Variants in ANK3 observed in about 807,000 individuals in gnomAD.
ANK3 encodes ankyrin 3.
ANK3 carries 57 observed loss-of-function variants against 370.9 expected under a neutral mutation model. The observed-to-expected ratio is 0.15, with a 90% CI of 0.12 to 0.19. The LOEUF is 0.19. Ranked by LOEUF, ANK3 falls within the 10% of genes least tolerant of loss-of-function variation. ANK3 has a pLI of 1.00. For missense variants in ANK3, 4,439 were observed against 5,302.1 expected (o/e 0.84, Z 5.06); for synonymous variants, 1,929 against 1,946.3 (o/e 0.99, Z 0.23).
At chr10:60,558,531 AGTT>A (rs1433827211) in intron 2 of ANK3, among the ~76,000 whole-genome samples, 5 of 152,184 alleles carry the variant, frequency 3.3e-5, no homozygotes, top group African/African-American at 1.2e-4. Context: ...CTCAGTGCAT[AGTT>A]CTCTCTTATA....
At chr10:60,360,349 T>A (rs2132731814) in intron 1 of ANK3, among the ~76,000 whole-genome samples, 1 of 152,362 alleles carries the variant, frequency 6.6e-6, no homozygotes, top group African/African-American at 2.4e-5. Context: ...GTGGGACATC[T>A]ATTTCATTTT....
chr10:60,672,994 T>C (rs1416264715), intron 1 of ANK3, among the ~76,000 whole-genome samples: 2 of 151,756 alleles, frequency 1.3e-5, no homozygotes, highest in Non-Finnish European at 2.9e-5. Context: ...GAAGAAAACA[T>C]GTATTTTTTT....
intron 2 of ANK3, among the ~76,000 whole-genome samples, chr10:60,559,876 C>A (rs930395358): frequency 6.6e-6 from 1 of 152,136 alleles, no homozygotes; most frequent in Non-Finnish European, 1.5e-5. Context: ...AACCCCATCT[C>A]TACTAAATAT....
intron 1 of ANK3, among the ~76,000 whole-genome samples, chr10:60,368,798 A>G (rs958161492): frequency 6.6e-6 from 1 of 152,194 alleles, no homozygotes; most frequent in Non-Finnish European, 1.5e-5. Context: ...TTCTCTATGG[A>G]GAAAAAAACT....
At chr10:60,361,480 G>A (rs2058601636) in intron 1 of ANK3, among the ~76,000 whole-genome samples, 2 of 152,062 alleles carry the variant, frequency 1.3e-5, no homozygotes, top group African/African-American at 2.4e-5. Context: ...TTTAATTTTC[G>A]GTTTAACTCA....
chr10:60,230,999 A>G (rs552638640), intron 8 of ANK3, among the ~76,000 whole-genome samples: 2 of 152,120 alleles, frequency 1.3e-5, no homozygotes, highest in African/African-American at 4.8e-5. Context: ...ACAATAACTA[A>G]TTATTCTTAA....
chr10:60,572,462 T>TA, intron 2 of ANK3: 1 of 1,535,794 alleles, frequency 6.5e-7, no homozygotes, highest in Non-Finnish European at 8.7e-7. Flanking sequence ...ATTCATTTCT[T>TA]ACCTTTTTTC....
At chr10:60,043,773 AG>A (rs1424033786) in intron 42 of ANK3, 1 of 985,276 alleles carries the variant, frequency 1.0e-6, no homozygotes, top group Non-Finnish European at 1.2e-6. Context: ...CACTGCTCTG[AG>A]GTTTGGTGGT....
intron 1 of ANK3, among the ~76,000 whole-genome samples, chr10:60,388,160 G>T (rs2062680080): frequency 6.6e-6 from 1 of 152,076 alleles, no homozygotes; most frequent in Non-Finnish European, 1.5e-5. Context: ...ACCCAAGTTT[G>T]TATTTTTATG....
At chr10:60,268,963 T>C (rs1430717632) in intron 5 of ANK3, among the ~76,000 whole-genome samples, 1 of 152,204 alleles carries the variant, frequency 6.6e-6, no homozygotes, top group African/African-American at 2.4e-5. Context: ...ATTTATTTAG[T>C]GGTTTCCCTA....
intron 2 of ANK3, among the ~76,000 whole-genome samples, chr10:60,403,317 C>A (rs1045777874): frequency 1.3e-5 from 2 of 152,114 alleles, no homozygotes; most frequent in Non-Finnish European, 2.9e-5. Context: ...GAAAACAAAG[C>A]AAATGAGGAC....
intron 1 of ANK3, among the ~76,000 whole-genome samples, chr10:60,660,061 C>T (rs1464396753): frequency 1.3e-5 from 2 of 152,028 alleles, no homozygotes; most frequent in African/African-American, 4.8e-5. Context: ...TATGAAGGTA[C>T]ATAAGTATAT....
chr10:60,218,494 C>T (rs535220353), intron 8 of ANK3, among the ~76,000 whole-genome samples: 6 of 152,294 alleles, frequency 3.9e-5, no homozygotes, highest in African/African-American at 1.4e-4. Context: ...TGGAATCCCT[C>T]AGCATTTGCT....
intron 2 of ANK3, among the ~76,000 whole-genome samples, chr10:60,434,690 C>T (rs1324039891): frequency 6.6e-6 from 1 of 152,162 alleles, no homozygotes; most frequent in African/African-American, 2.4e-5. Context: ...ACTATGCTCC[C>T]AATCTGCATC....
chr10:60,464,847 A>C (rs905185789), intron 2 of ANK3, among the ~76,000 whole-genome samples: 5 of 152,160 alleles, frequency 3.3e-5, no homozygotes, highest in African/African-American at 1.2e-4. Flanking sequence ...TGCTCATAAA[A>C]ACATTTCCTT....
chr10:60,195,113 C>T (rs4948396), intron 16 of ANK3, among the ~76,000 whole-genome samples: 60,671 of 151,886 alleles, frequency 0.4, 13,972 homozygotes, highest in Non-Finnish European at 0.51. Context: ...GGAGGCCGGG[C>T]GCGGTGTGTC....
chr10:60,263,763 C>A (rs2097842942), intron 6 of ANK3, 72 bp downstream of exon 6: 6 of 1,564,014 alleles, frequency 3.8e-6, no homozygotes, highest in Admixed American at 3.4e-5. Context: ...AAGAGGGAGA[C>A]CGGGTGCTCT....
chr10:60,651,489 CT>C (rs2078788858), intron 1 of ANK3, among the ~76,000 whole-genome samples: 1 of 152,186 alleles, frequency 6.6e-6, no homozygotes, highest in African/African-American at 2.4e-5. Flanking sequence ...AAGAAACATA[CT>C]TTTTTGAGTA....
chr10:60,096,140 T>G (rs372641947), intron 28 of ANK3, among the ~76,000 whole-genome samples: 1 of 152,028 alleles, frequency 6.6e-6, no homozygotes, highest in African/African-American at 2.4e-5. Context: ...GCCACTGCAC[T>G]GCAGCCTGGG....
Sources: allele counts gnomAD v4.1 joint callset (sites outside exome capture counted in the v4.1 genomes callset), GRCh38; gene constraint gnomAD v4.1.1; transcripts MANE v1.5; gene names NCBI Gene and HGNC (gene_info 2026-07-23, HGNC 2026-07-21).